MAGI1: variants seen among roughly 807,000 people sequenced by gnomAD.
MAGI1 encodes the protein membrane-associated guanylate kinase, WW and PDZ domain-containing protein 1.
MAGI1 carries 58 observed loss-of-function variants against 139.9 expected under a neutral mutation model. That is an observed-to-expected ratio of 0.41 (90% confidence interval 0.34 to 0.52). The LOEUF (loss-of-function observed/expected upper bound fraction) is 0.52, where lower values mean the gene tolerates loss of function less well. Among genes scored for constraint, MAGI1 ranks in the 20% least tolerant of loss-of-function variants. MAGI1 has a pLI of 0.12. For synonymous variants in MAGI1, 812 were observed against 737.9 expected (o/e 1.10, Z -1.63); for missense variants, 1,874 against 1,901.6 (o/e 0.99, Z 0.27).
rs183265750 is a variant in MAGI1 at position 65,770,781 on chromosome 3, C to T, written c.314-148693G>A. Among the ~76,000 whole-genome samples the T allele has an allele frequency of 6.9e-4, 105 of 152,086 alleles. No individual in the cohort carries two copies. The East Asian group carries it at 0.02, about 28-fold the overall frequency. ...TCAGCTCACTGCAACCTCTGACTCC[C>T]TGGTTCAAGCTATTCTCCTGCCTCA... On this transcript the variant is annotated intron_variant, in intron 1 of 22. Coordinates refer to ENST00000402939, the MANE Select transcript of MAGI1 (RefSeq NM_001033057.2).
At chr3:65,962,790 A>G (rs1485698207) in intron 1 of MAGI1, among the ~76,000 whole-genome samples, 1 of 145,586 alleles carries the variant, frequency 6.9e-6, no homozygotes, top group Non-Finnish European at 1.5e-5. Context: ...ATGCCACTGT[A>G]TTCCAGCCTG....
chr3:65,751,879 C>A (rs1357080434), intron 1 of MAGI1, among the ~76,000 whole-genome samples: 1 of 152,156 alleles, frequency 6.6e-6, no homozygotes, highest in Non-Finnish European at 1.5e-5. Context: ...CTTTTACAAA[C>A]AGAATTTCTT....
chr3:65,842,790 C>A lies in MAGI1; in HGVS notation c.313+195206G>T, dbSNP rs116222684. ...AAGCTTCAGAGCCAACAGGGCGCTT[C>A]TCCTGGAAGGTGAAGTCATGGTGAC... On this transcript the variant is annotated intron_variant, in intron 1 of 22. Transcript: ENST00000402939. Among the ~76,000 whole-genome samples, 1,053 of 152,340 alleles carry A rather than the reference C, an allele frequency of 6.9e-3. 15 individuals carry two copies. The highest frequency in any genetic ancestry group is 0.024 in the African/African-American group (987 of 41,584).
At chr3:65,656,464 A>G (rs1381301050) in intron 1 of MAGI1, among the ~76,000 whole-genome samples, 5 of 152,186 alleles carry the variant, frequency 3.3e-5, no homozygotes, top group Admixed American at 3.3e-4. Flanking sequence ...AAAACAGTAC[A>G]CATGTTTTAG....
At chr3:65,874,514 T>G (rs1319031431) in intron 1 of MAGI1, 1 of 152,128 alleles carries the variant, frequency 6.6e-6, no homozygotes, top group Non-Finnish European at 1.5e-5. Flanking sequence ...ATAAACACAT[T>G]AAGAGATGGG....
chr3:65,919,383 G>T (rs375913928), intron 1 of MAGI1, among the ~76,000 whole-genome samples: 1 of 151,910 alleles, frequency 6.6e-6, no homozygotes, highest in East Asian at 1.9e-4. Flanking sequence ...GGCAACACAG[G>T]GAGACCCCAT....
intron 1 of MAGI1, among the ~76,000 whole-genome samples, chr3:65,930,821 T>C (rs992073148): frequency 6.6e-6 from 1 of 152,102 alleles, no homozygotes; most frequent in Admixed American, 6.5e-5. Context: ...CCTGACAGTG[T>C]ACAAATGCCA....
chr3:65,811,891 A>T (rs936854697), intron 1 of MAGI1, among the ~76,000 whole-genome samples: 4 of 151,814 alleles, frequency 2.6e-5, no homozygotes, highest in Non-Finnish European at 5.9e-5. Context: ...TGTATAATCT[A>T]ATTTCCTGAG....
At chr3:65,614,638 A>T (rs2083280103) in intron 2 of MAGI1, among the ~76,000 whole-genome samples, 1 of 152,034 alleles carries the variant, frequency 6.6e-6, no homozygotes, top group Non-Finnish European at 1.5e-5. Flanking sequence ...CTCCCCCTTT[A>T]CCTCATATGT....
At chr3:65,796,968 T>C (rs1371805255) in intron 1 of MAGI1, among the ~76,000 whole-genome samples, 1 of 152,200 alleles carries the variant, frequency 6.6e-6, no homozygotes, top group African/African-American at 2.4e-5. Context: ...ATTCTTTCTC[T>C]CATCTTCCAA....
intron 2 of MAGI1, among the ~76,000 whole-genome samples, chr3:65,572,897 AG>A (rs1205046775): frequency 1.3e-5 from 2 of 151,650 alleles, no homozygotes; most frequent in African/African-American, 4.8e-5. Context: ...TGTTTCCAGA[AG>A]GGTCAAACTC....
chr3:65,370,374 T>C (rs1941867364), intron 18 of MAGI1, among the ~76,000 whole-genome samples: 1 of 152,200 alleles, frequency 6.6e-6, no homozygotes, highest in Non-Finnish European at 1.5e-5. Flanking sequence ...TATTATCATA[T>C]CAACCAAATT....
intron 1 of MAGI1, among the ~76,000 whole-genome samples, chr3:65,871,347 G>C (rs1022740404): frequency 6.6e-6 from 1 of 152,164 alleles, no homozygotes; most frequent in Non-Finnish European, 1.5e-5. Context: ...TTGTGGGAGA[G>C]AAGAATGCAT....
intron 1 of MAGI1, among the ~76,000 whole-genome samples, chr3:66,027,988 C>T (rs975825630): frequency 6.6e-6 from 1 of 152,210 alleles, no homozygotes; most frequent in Admixed American, 6.5e-5. Flanking sequence ...CACTAACTGA[C>T]GTACCTCCAT....
intron 1 of MAGI1, among the ~76,000 whole-genome samples, chr3:66,005,025 T>G (rs182700649): frequency 1.3e-5 from 2 of 152,360 alleles, no homozygotes; most frequent in Admixed American, 1.3e-4. Context: ...ACAAGAGTAT[T>G]AAAACATCTG....
At chr3:65,468,998 TACAC>T (rs1295805820) in intron 5 of MAGI1, among the ~76,000 whole-genome samples, 1 of 151,436 alleles carries the variant, frequency 6.6e-6, no homozygotes, top group African/African-American at 2.4e-5. Flanking sequence ...AATGTGTGTA[TACAC>T]ACACACACAA....
At chr3:65,684,116 G>C (rs1183206292) in intron 1 of MAGI1, among the ~76,000 whole-genome samples, 1 of 146,048 alleles carries the variant, frequency 6.8e-6, no homozygotes, top group African/African-American at 2.5e-5. Flanking sequence ...TGAGGCTACA[G>C]TGAGCTATGA....
chr3:65,749,714 A>G (rs1576993770), intron 1 of MAGI1, among the ~76,000 whole-genome samples: 1 of 151,782 alleles, frequency 6.6e-6, no homozygotes, highest in African/African-American at 2.4e-5. Flanking sequence ...CTGAGTTAAA[A>G]AAAAAAAAAA....
intron 8 of MAGI1, among the ~76,000 whole-genome samples, chr3:65,441,106 G>A (rs973812311): frequency 5.3e-5 from 8 of 151,834 alleles, no homozygotes; most frequent in South Asian, 2.1e-4. Context: ...GATTTCAAGC[G>A]TGCATCACCA....
Sources: allele counts gnomAD v4.1 joint callset (sites outside exome capture counted in the v4.1 genomes callset), GRCh38; gene constraint gnomAD v4.1.1; transcripts MANE v1.5; gene names NCBI Gene and HGNC (gene_info 2026-07-23, HGNC 2026-07-21).